ASTN2: variants seen among roughly 807,000 people sequenced by gnomAD.
ASTN2 encodes the protein astrotactin 2.
Under a neutral mutation model 139.8 loss-of-function variants are expected in ASTN2, and 54 were observed. The observed-to-expected ratio is 0.39, with a 90% CI of 0.31 to 0.48. The LOEUF (loss-of-function observed/expected upper bound fraction) is 0.48, where lower values mean the gene tolerates loss of function less well. ASTN2 is among the 20% of genes least tolerant of loss of function. The probability of loss-of-function intolerance (pLI) is 0.95; values close to 1 mark genes in which losing one functional copy is unlikely to be tolerated. For synonymous variants in ASTN2, 756 were observed against 719.5 expected (o/e 1.05, Z -0.81); for missense variants, 1,565 against 1,725.1 (o/e 0.91, Z 1.64).
At chr9:117,235,501 C>G (rs879488301) in intron 2 of ASTN2, among the ~76,000 whole-genome samples, 6 of 152,142 alleles carry the variant, frequency 3.9e-5, no homozygotes, top group African/African-American at 1.4e-4. Context: ...ATCCTGCTCT[C>G]CAGAAAAAAT....
chr9:117,181,177 C>A, intron 3 of ASTN2: 3 of 684,102 alleles, frequency 4.4e-6, no homozygotes, highest in South Asian at 1.7e-5. Context: ...AGGAAAGGAA[C>A]CCAGTTGGCT....
At chr9:116,993,853 G>T (rs973852310) in intron 7 of ASTN2, among the ~76,000 whole-genome samples, 396 of 132,028 alleles carry the variant, frequency 3.0e-3, no homozygotes, top group East Asian at 7.1e-3. Context: ...GTATGTACAT[G>T]ATATATATAT....
At chr9:116,499,884 TCTC>T (rs1289592336) in intron 19 of ASTN2, among the ~76,000 whole-genome samples, 2 of 152,136 alleles carry the variant, frequency 1.3e-5, no homozygotes, top group African/African-American at 4.8e-5. Flanking sequence ...AATAAGTTCA[TCTC>T]CTCATCCACC....
intron 1 of ASTN2, among the ~76,000 whole-genome samples, chr9:117,331,535 G>T (rs1828706993): frequency 6.6e-6 from 1 of 152,150 alleles, no homozygotes; most frequent in Non-Finnish European, 1.5e-5. Flanking sequence ...TGTCTGTCTT[G>T]TTCATTGACT....
At chr9:116,847,431 CCAAGGGCTGAGG>C (rs1832473471) in intron 11 of ASTN2, among the ~76,000 whole-genome samples, 1 of 152,108 alleles carries the variant, frequency 6.6e-6, no homozygotes, top group Non-Finnish European at 1.5e-5. Context: ...TTTATAAGCA[CCAAGGGCTGAGG>C]CAAGGGAGGC....
At chr9:116,598,385 G>A (rs1308237726) in intron 19 of ASTN2, among the ~76,000 whole-genome samples, 1 of 152,212 alleles carries the variant, frequency 6.6e-6, no homozygotes, top group African/African-American at 2.4e-5. Flanking sequence ...AGACTCAGGG[G>A]AAGTTCCTTC....
chr9:116,447,916 G>A (rs1271599023), intron 20 of ASTN2, among the ~76,000 whole-genome samples: 1 of 152,130 alleles, frequency 6.6e-6, no homozygotes, highest in African/African-American at 2.4e-5. Context: ...AGCTGCTATT[G>A]GTCCCATCCA....
At chr9:117,249,187 G>C (rs1833469105) in intron 2 of ASTN2, among the ~76,000 whole-genome samples, 1 of 152,130 alleles carries the variant, frequency 6.6e-6, no homozygotes, top group Non-Finnish European at 1.5e-5. Flanking sequence ...GTAGCTACTT[G>C]GAGAGAAGAA....
intron 15 of ASTN2, among the ~76,000 whole-genome samples, chr9:116,727,558 G>C (rs1564235042): frequency 6.6e-6 from 1 of 152,122 alleles, no homozygotes; most frequent in African/African-American, 2.4e-5. Context: ...CTCAAAGAAT[G>C]GGTGTTTGAT....
chr9:116,675,940 A>C (rs1200759646), intron 16 of ASTN2, among the ~76,000 whole-genome samples: 1 of 152,222 alleles, frequency 6.6e-6, no homozygotes, highest in Non-Finnish European at 1.5e-5. Flanking sequence ...GTGCTGAACA[A>C]GGTGACTAAT....
At chr9:117,060,751 C>T (rs900630322) in intron 5 of ASTN2, among the ~76,000 whole-genome samples, 5 of 151,550 alleles carry the variant, frequency 3.3e-5, no homozygotes, top group African/African-American at 9.7e-5. Flanking sequence ...AAAAATTAGC[C>T]GGGTGTGATG....
chr9:116,612,603 C>T (rs945869841), intron 19 of ASTN2: 7 of 152,176 alleles, frequency 4.6e-5, no homozygotes, highest in African/African-American at 1.7e-4. Flanking sequence ...AACTGAACAA[C>T]TTGCTCCTGA....
intron 19 of ASTN2, among the ~76,000 whole-genome samples, chr9:116,559,723 A>G (rs1208245607): frequency 6.6e-6 from 1 of 152,214 alleles, no homozygotes; most frequent in Non-Finnish European, 1.5e-5. Context: ...TGGGAAGCTG[A>G]GCTTCAAGGA....
intron 16 of ASTN2, among the ~76,000 whole-genome samples, chr9:116,664,872 G>A (rs1236198312): frequency 6.6e-6 from 1 of 152,120 alleles, no homozygotes; most frequent in Non-Finnish European, 1.5e-5. Context: ...TTGGATGTTT[G>A]TCCCCTCCAA....
chr9:116,439,184 A>C (rs35744865), intron 22 of ASTN2, among the ~76,000 whole-genome samples: 52,774 of 131,358 alleles, frequency 0.4, 10,647 homozygotes, highest in Non-Finnish European at 0.43. Flanking sequence ...TGTGTTTTCT[A>C]TTCAAATACA....
intron 19 of ASTN2, among the ~76,000 whole-genome samples, chr9:116,595,329 T>TTGC (rs1854519792): frequency 2.3e-5 from 2 of 88,056 alleles, no homozygotes; most frequent in Admixed American, 1.2e-4. Flanking sequence ...ATTCTTGTTG[T>TTGC]TGCTGTTGTT....
chr9:116,865,996 C>G (rs755409118), intron 10 of ASTN2, among the ~76,000 whole-genome samples: 2 of 152,186 alleles, frequency 1.3e-5, no homozygotes, highest in Non-Finnish European at 2.9e-5. Context: ...TCCACAGTAG[C>G]TTTATGTTAC....
intron 7 of ASTN2, among the ~76,000 whole-genome samples, chr9:116,985,714 T>G (rs1162246772): frequency 6.6e-6 from 1 of 152,214 alleles, no homozygotes; most frequent in Non-Finnish European, 1.5e-5. Flanking sequence ...AGAGCATGTA[T>G]TTCCAACAAT....
At chr9:116,726,088 A>C (rs561472201) in intron 15 of ASTN2, 138 bp from the exon 16 acceptor site, 3 of 696,864 alleles carry the variant, frequency 4.3e-6, no homozygotes, top group Non-Finnish European at 7.1e-6. Context: ...TGGCTGCACT[A>C]GTCCAAACAT....
Sources: allele counts gnomAD v4.1 joint callset (sites outside exome capture counted in the v4.1 genomes callset), GRCh38; gene constraint gnomAD v4.1.1; transcripts MANE v1.5; gene names NCBI Gene and HGNC (gene_info 2026-07-23, HGNC 2026-07-21).